ACSF3: variants seen among roughly 807,000 people sequenced by gnomAD.
ACSF3 encodes malonate--CoA ligase ACSF3, mitochondrial.
Under a neutral mutation model 53.2 loss-of-function variants are expected in ACSF3, and 78 were observed. That is an observed-to-expected ratio of 1.47 (90% CI 1.22 to 1.77). ACSF3 has a LOEUF of 1.77. Ranked by LOEUF, ACSF3 falls within the 40% of genes most tolerant of loss-of-function variation. The pLI is 0.00. For synonymous variants in ACSF3, 414 were observed against 333.1 expected, an observed-to-expected ratio of 1.24 and a Z score of -2.65; for missense variants, 937 against 771.1, an observed-to-expected ratio of 1.22 and a Z score of -2.55.
chr16:89,133,949 C>T (rs775538894), intron 8 of ACSF3, among the ~76,000 whole-genome samples: 2 of 152,188 alleles, frequency 1.3e-5, no homozygotes, highest in Non-Finnish European at 2.9e-5. Context: ...TCTCCCTGAG[C>T]CTGCCCTGAG....
chr16:89,155,359 C>T lies in ACSF3; in HGVS notation c.*1152C>T. The T allele has an allele frequency of 2.2e-6, 1 of 451,434 alleles. No individual in the cohort carries two copies. 28.0% of individuals were successfully genotyped at this position (451,434 alleles called of 1,614,324 possible). A position where few individuals can be genotyped will look rare whatever the true frequency, so the allele number is the denominator to read the frequency against. On this transcript the variant is annotated 3_prime_UTR_variant, in exon 11 of 11. Coordinates refer to ENST00000614302, the MANE Select transcript of ACSF3 (RefSeq NM_001243279.3). ...CCAGCCCCATCTCAGGCTCACGTGC[C>T]TCTGACAGGAGACCAGCCCCATCTC...
intron 7 of ACSF3, among the ~76,000 whole-genome samples, chr16:89,130,884 C>T (rs921431006): frequency 1.3e-5 from 2 of 152,118 alleles, no homozygotes; most frequent in African/African-American, 4.8e-5. Context: ...GTTGACTTTC[C>T]TGGTGATTTT....
At chr16:89,120,679 C>T (rs1906412269) in intron 6 of ACSF3, 122 bp from the exon 7 acceptor site, 1 of 952,536 alleles carries the variant, frequency 1.0e-6, no homozygotes, top group South Asian at 1.3e-5. Context: ...ACGTCGCTCC[C>T]TCCACACAGA....
chr16:89,103,834 G>C (rs928387196), intron 4 of ACSF3, among the ~76,000 whole-genome samples: 1 of 152,226 alleles, frequency 6.6e-6, no homozygotes, highest in African/African-American at 2.4e-5. Context: ...GGAAGGACGC[G>C]GTGCTGGTCA....
rs370882746 is a variant in ACSF3 at position 89,129,691 on chromosome 16, C to T, written c.1240-3445C>T. Among the ~76,000 whole-genome samples the T allele has an allele frequency of 4.6e-5, 7 of 152,114 alleles. No individual in the cohort carries two copies. In the East Asian group the frequency reaches 9.6e-4, roughly 21 times the overall value. ...ATTGTTCCCTGAGAGTTTTATTGCT[C>T]AACTTTACTGCCTTCTTTGAGGTTA... is the stretch of plus-strand genomic sequence containing the variant. On this transcript the variant is annotated intron_variant, in intron 7 of 10. Coordinates refer to ENST00000614302, the MANE Select transcript of ACSF3 (RefSeq NM_001243279.3).
chr16:89,112,868 G>A (rs1191900023), intron 5 of ACSF3, among the ~76,000 whole-genome samples: 1 of 152,162 alleles, frequency 6.6e-6, no homozygotes, highest in Non-Finnish European at 1.5e-5. Flanking sequence ...TGCCTTCGTG[G>A]GCAGCCCTGT....
chr16:89,140,432 A>G (rs1368080594), intron 8 of ACSF3, among the ~76,000 whole-genome samples: 2 of 152,218 alleles, frequency 1.3e-5, no homozygotes, highest in Non-Finnish European at 2.9e-5. Context: ...ATCTCAGGGC[A>G]TCGGCTTGGG....
At chr16:89,137,975 C>G (rs1238401140) in intron 8 of ACSF3, among the ~76,000 whole-genome samples, 2 of 152,218 alleles carry the variant, frequency 1.3e-5, no homozygotes, top group Non-Finnish European at 2.9e-5. Context: ...CCCTCTGGGT[C>G]TCAGCCGTTG....
chr16:89,101,363 C>A lies in ACSF3; in HGVS notation c.666+16C>A, dbSNP rs367932532. On this transcript the variant is annotated intron_variant, in intron 3 of 10. Transcript: ENST00000614302. Reference sequence around the variant, plus strand: ...CAGGGCTGTGGTGAGTGCCGCCTGGCGCCGTGATGGTTTCGGTGACCGCAC... The same window carrying A: ...CAGGGCTGTGGTGAGTGCCGCCTGGAGCCGTGATGGTTTCGGTGACCGCAC... 6.4e-7 allele frequency: 1 copy of A among 1,566,518 alleles called. No individual in the cohort carries two copies. Among genetic ancestry groups the A allele is most frequent in the Non-Finnish European group, 8.6e-7 (1 of 1,156,480 alleles).
At position 89,102,643 on chromosome 16, in the gene ACSF3, G is replaced by A. The variant is rs752104014; in HGVS notation, c.706G>A (p.Asp236Asn). The stretch of plus-strand genomic sequence containing the variant: ...CCACAAGTGGGCATGGACCAAAGAC[G>A]ACGTGATCCTCCACGTGCTCCCGCT... ...LVHKWAWTKD[D>N]VILHVLPLHH... The change falls in exon 4 of 11, where the codon GAC (aspartate) becomes AAC (asparagine). Residue 236 changes from aspartate to asparagine, a missense_variant. Transcript: ENST00000614302. The A allele has an allele frequency of 1.4e-5, 23 of 1,613,858 alleles. No individual in the cohort carries two copies. The highest frequency in any genetic ancestry group is 2.2e-5 in the South Asian group (2 of 91,074).
At chr16:89,119,544 C>T (rs1906098867) in intron 6 of ACSF3, among the ~76,000 whole-genome samples, 1 of 152,148 alleles carries the variant, frequency 6.6e-6, no homozygotes, top group Non-Finnish European at 1.5e-5. Context: ...ATGCGGGTTT[C>T]ACCCCCATTT....
At chr16:89,141,284 G>T in intron 8 of ACSF3, 1 of 1,287,228 alleles carries the variant, frequency 7.8e-7, no homozygotes, top group Non-Finnish European at 1.0e-6. Flanking sequence ...CGGGTGAGGC[G>T]GGCGCTGAGT....
intron 1 of ACSF3, among the ~76,000 whole-genome samples, chr16:89,094,965 T>C (rs4782334): frequency 0.75 from 113,551 of 151,694 alleles, 42,468 homozygotes; most frequent in East Asian, 0.78. Context: ...AGGAATTTGC[T>C]AGAAAGGGAA....
chr16:89,120,716 A>C (rs1906424152), intron 6 of ACSF3, 85 bp from the exon 7 acceptor site: 1 of 1,313,690 alleles, frequency 7.6e-7, no homozygotes, highest in African/African-American at 1.5e-5. Context: ...ACGGGAGCTC[A>C]GCGGGATCCG....
In ACSF3 at chr16:89,096,821, G is replaced by C. The variant is rs1225702641; in HGVS notation, c.-193-1770G>C. ...AGGCCCCCGTCCGTTCCTCCTGCCC[G>C]TGGCCTCTCCTCATAGCGCGTGGGC... On this transcript the variant is annotated intron_variant, in intron 1 of 10. Transcript: ENST00000614302. Among the ~76,000 whole-genome samples, 4 of 152,152 alleles carry C rather than the reference G, an allele frequency of 2.6e-5. No individual in the cohort carries two copies. The East Asian group carries it at 7.7e-4, about 29-fold the overall frequency.
chr16:89,098,921 T>C (rs554723752), intron 2 of ACSF3, among the ~76,000 whole-genome samples, 158 bp downstream of exon 2: 23 of 152,378 alleles, frequency 1.5e-4, no homozygotes, highest in Non-Finnish European at 2.5e-4. Flanking sequence ...ATAATACTTG[T>C]TCAAAGTCCC....
At chr16:89,147,825 A>G (rs970188040) in intron 10 of ACSF3, 1 of 152,148 alleles carries the variant, frequency 6.6e-6, no homozygotes, top group Admixed American at 6.5e-5. Context: ...ATACAATCCT[A>G]CTTCCCAACA....
rs188091078 is a variant in ACSF3, at chr16:89,103,337, G to A, written c.822+578G>A. Among the ~76,000 whole-genome samples, 10 of 152,366 alleles carry A rather than the reference G, an allele frequency of 6.6e-5. No homozygotes were observed. The East Asian group carries it at 7.7e-4, about 12-fold the overall frequency. On this transcript the variant is annotated intron_variant, in intron 4 of 10. Coordinates refer to ENST00000614302, the MANE Select transcript of ACSF3 (RefSeq NM_001243279.3). ...GCCAGGATTCTGAGACGAGTCTTGC[G>A]GAGCTGATGCTGGGTGTGGTAGGGC...
intron 8 of ACSF3, among the ~76,000 whole-genome samples, chr16:89,136,233 A>G (rs555860591): frequency 1.3e-5 from 2 of 152,382 alleles, no homozygotes; most frequent in African/African-American, 2.4e-5. Flanking sequence ...AAACACTCGC[A>G]GTCGCCAGTG....
Sources: gnomAD v4.1 joint callset for allele counts (sites outside exome capture counted in the v4.1 genomes callset) on GRCh38, gnomAD v4.1.1 for gene constraint, MANE v1.5 for transcripts, NCBI Gene and HGNC (gene_info 2026-07-23, HGNC 2026-07-21) for gene names.